SNX29: variants seen among roughly 807,000 people sequenced by gnomAD.
The protein encoded by SNX29 is sorting nexin-29.
Under a neutral mutation model 102.1 loss-of-function variants are expected in SNX29, and 78 were observed. The ratio of observed to expected loss-of-function variants is 0.76; its 90% confidence interval spans 0.64 to 0.92. The LOEUF is 0.92. Among genes scored for constraint, SNX29 ranks in the 40% least tolerant of loss-of-function variants. The probability of loss-of-function intolerance (pLI) is 0.00; values close to 1 mark genes in which losing one functional copy is unlikely to be tolerated. For synonymous variants in SNX29, 580 were observed against 414.5 expected (o/e 1.40, Z -4.85); for missense variants, 1,280 against 1,061.7 (o/e 1.21, Z -2.86).
intron 15 of SNX29, among the ~76,000 whole-genome samples, chr16:12,284,926 G>A (rs569284468): frequency 9.9e-4 from 150 of 152,094 alleles, no homozygotes; most frequent in African/African-American, 3.3e-3. Flanking sequence ...GGGTTTCGCC[G>A]TGTTGGCCAG....
intron 14 of SNX29, among the ~76,000 whole-genome samples, chr16:12,275,152 T>C (rs1293437274): frequency 6.6e-6 from 1 of 152,216 alleles, no homozygotes; most frequent in African/African-American, 2.4e-5. Context: ...ACTTTGGGCC[T>C]CTTGGGGTGA....
At chr16:12,567,539 C>T (rs1005544738) in intron 20 of SNX29, among the ~76,000 whole-genome samples, 4 of 152,158 alleles carry the variant, frequency 2.6e-5, no homozygotes, top group Non-Finnish European at 5.9e-5. Context: ...AATCCCAGCA[C>T]TTTAGGAGGC....
At chr16:12,115,118 G>A (rs1567219012) in intron 11 of SNX29, among the ~76,000 whole-genome samples, 1 of 152,128 alleles carries the variant, frequency 6.6e-6, no homozygotes, top group Non-Finnish European at 1.5e-5. Context: ...AGCCTTCAAG[G>A]TTGGCAGTGG....
chr16:12,422,132 G>A (rs1026358128), intron 18 of SNX29, among the ~76,000 whole-genome samples: 20 of 152,262 alleles, frequency 1.3e-4, no homozygotes, highest in African/African-American at 4.6e-4. Context: ...TAAGAAAGAG[G>A]CAGCATTTTT....
intron 11 of SNX29, among the ~76,000 whole-genome samples, chr16:12,121,780 G>A (rs168407): frequency 0.44 from 66,120 of 151,966 alleles, 16,256 homozygotes; most frequent in African/African-American, 0.67. Context: ...TCATTTAAGG[G>A]TGGGTTTGTT....
intron 19 of SNX29, among the ~76,000 whole-genome samples, chr16:12,479,560 A>ACC (rs2087810300): frequency 6.6e-6 from 1 of 152,218 alleles, no homozygotes; most frequent in African/African-American, 2.4e-5. Context: ...GTAGAGCTGA[A>ACC]CCACTACACG....
At chr16:12,330,762 A>G (rs537631951) in intron 15 of SNX29, among the ~76,000 whole-genome samples, 1 of 152,244 alleles carries the variant, frequency 6.6e-6, no homozygotes, top group African/African-American at 2.4e-5. Context: ...CACTTCAGAT[A>G]TTTTTAGGCC....
intron 3 of SNX29, among the ~76,000 whole-genome samples, chr16:12,024,713 TG>T (rs2057139761): frequency 6.6e-6 from 1 of 152,192 alleles, no homozygotes; most frequent in Non-Finnish European, 1.5e-5. Flanking sequence ...CTTAGGGCCC[TG>T]GTTTTATCTA....
At chr16:12,037,641 G>A (rs140232817) in intron 4 of SNX29, among the ~76,000 whole-genome samples, 9 of 152,170 alleles carry the variant, frequency 5.9e-5, no homozygotes, top group Middle Eastern at 3.4e-3. Flanking sequence ...TAGGAAAGCG[G>A]GGTGCTCTTA....
chr16:12,139,535 C>G (rs937821935), intron 13 of SNX29, among the ~76,000 whole-genome samples: 5 of 152,230 alleles, frequency 3.3e-5, no homozygotes, highest in African/African-American at 1.2e-4. Flanking sequence ...CTTCCAGCAC[C>G]TTAATTGTTC....
chr16:12,512,307 G>T (rs1228888731), intron 19 of SNX29, among the ~76,000 whole-genome samples: 1 of 142,644 alleles, frequency 7.0e-6, no homozygotes, highest in Non-Finnish European at 1.5e-5. Flanking sequence ...GCCCTTGAGT[G>T]CTCTGCAGGG....
chr16:12,567,753 A>G (rs189578836), intron 20 of SNX29, among the ~76,000 whole-genome samples: 16 of 152,120 alleles, frequency 1.1e-4, no homozygotes, highest in Non-Finnish European at 2.4e-4. Context: ...AAGAGTCGAG[A>G]CTGTCTCCAG....
rs1417960994 is a variant in SNX29 at position 12,452,326 on chromosome 16, G to T, written c.2038-25393G>T. On this transcript the variant is annotated intron_variant, in intron 18 of 20. Transcript: ENST00000566228. ...TGGCATCTCATGGGTGCAGGCTAGG[G>T]ATGCAGTGGAATGTCTCACAATGCA... Among the ~76,000 whole-genome samples, 3 of 21,184 alleles carry T rather than the reference G, an allele frequency of 1.4e-4. No individual in the cohort carries two copies. In the African/African-American group the frequency reaches 2.5e-3, roughly 18 times the overall value. The allele number at this position is 21,184 out of a possible 152,430, so 13.9% of individuals were successfully genotyped here.
intron 3 of SNX29, among the ~76,000 whole-genome samples, chr16:12,008,436 A>G (rs1425675596): frequency 1.3e-5 from 2 of 149,738 alleles, no homozygotes; most frequent in Admixed American, 6.7e-5. Context: ...TGCCTGGCTA[A>G]TTTTGTATTT....
intron 14 of SNX29, among the ~76,000 whole-genome samples, chr16:12,216,517 G>A (rs1401170964): frequency 5.9e-5 from 9 of 152,230 alleles, no homozygotes; most frequent in Admixed American, 5.9e-4. Context: ...GGTTTGATGG[G>A]CATGCAAGCT....
chr16:12,270,350 GT>G (rs1258922043), intron 14 of SNX29, among the ~76,000 whole-genome samples: 2 of 152,166 alleles, frequency 1.3e-5, no homozygotes, highest in Non-Finnish European at 2.9e-5. Flanking sequence ...GAATGGTGTT[GT>G]CATCTGTTAT....
intron 20 of SNX29, among the ~76,000 whole-genome samples, chr16:12,552,756 T>A (rs1236518246): frequency 6.6e-6 from 1 of 152,182 alleles, no homozygotes; most frequent in African/African-American, 2.4e-5. Context: ...CACTTCTGAT[T>A]TAAGGTATGA....
At chr16:12,247,495 ATGAG>A (rs1431473671) in intron 14 of SNX29, among the ~76,000 whole-genome samples, 1 of 152,202 alleles carries the variant, frequency 6.6e-6, no homozygotes. Context: ...GATGATGTAA[ATGAG>A]TGAGTGACTG....
chr16:12,212,791 C>T (rs1010333962), intron 14 of SNX29, among the ~76,000 whole-genome samples: 3 of 152,102 alleles, frequency 2.0e-5, no homozygotes, highest in Non-Finnish European at 4.4e-5. Flanking sequence ...AGAAAGAAAA[C>T]GTGGTATGTA....
Sources: allele counts gnomAD v4.1 joint callset (sites outside exome capture counted in the v4.1 genomes callset), GRCh38; gene constraint gnomAD v4.1.1; transcripts MANE v1.5; gene names NCBI Gene and HGNC (gene_info 2026-07-23, HGNC 2026-07-21).